BRINP3: variants seen among roughly 807,000 people sequenced by gnomAD.
BRINP3 encodes BMP/retinoic acid inducible neural specific 3, also known as BMP/retinoic acid-inducible neural-specific protein 3.
Under a neutral mutation model 71.0 loss-of-function variants are expected in BRINP3, and 19 were observed. The observed-to-expected ratio is 0.27, with a 90% CI of 0.19 to 0.39. The LOEUF is 0.39. Among genes scored for constraint, BRINP3 ranks in the 10% least tolerant of loss-of-function variants. The pLI is 1.00. For synonymous variants in BRINP3, 380 were observed against 337.7 expected, an observed-to-expected ratio of 1.13 and a Z score of -1.37; for missense variants, 959 against 940.8, an observed-to-expected ratio of 1.02 and a Z score of -0.25.
At chr1:190,467,612 G>C (rs546133833) in intron 1 of BRINP3, among the ~76,000 whole-genome samples, 1 of 151,502 alleles carries the variant, frequency 6.6e-6, no homozygotes, top group East Asian at 1.9e-4. Flanking sequence ...GTCTCCAAAA[G>C]TTACATGGTG....
intron 2 of BRINP3, among the ~76,000 whole-genome samples, chr1:190,412,414 T>TATATATATAC (rs1553314831): frequency 1.9e-3 from 274 of 141,258 alleles, no homozygotes; most frequent in Non-Finnish European, 2.2e-3. Flanking sequence ...TATATATATA[T>TATATATATAC]ACACTTTTTT....
chr1:190,169,523 T>G (rs541995477), intron 6 of BRINP3, among the ~76,000 whole-genome samples: 2 of 152,274 alleles, frequency 1.3e-5, no homozygotes, highest in East Asian at 1.9e-4. Flanking sequence ...AATAAATTCC[T>G]TTCTGCTGCA....
At chr1:190,148,336 C>T (rs866080782) in intron 7 of BRINP3, among the ~76,000 whole-genome samples, 1 of 151,774 alleles carries the variant, frequency 6.6e-6, no homozygotes, top group African/African-American at 2.4e-5. Flanking sequence ...GTGGCTCACG[C>T]GTCATCCCAA....
In BRINP3 at chr1:190,475,510, T is replaced by G. The variant is rs1677437408; in HGVS notation, c.-51+1938A>C. On this transcript the variant is annotated intron_variant, in intron 1 of 7. Coordinates refer to ENST00000367462, the MANE Select transcript of BRINP3 (RefSeq NM_199051.3). The stretch of plus-strand genomic sequence containing the variant: ...TGAGTGCAGAGCCTGAGCTAGCAGG[T>G]CAGAGTAGGGGACACCTTTCCTACA... Among the ~76,000 whole-genome samples, 3 of 152,048 alleles carry G rather than the reference T, an allele frequency of 2.0e-5. No homozygotes were observed. The South Asian group carries it at 6.2e-4, about 31-fold the overall frequency.
intron 2 of BRINP3, among the ~76,000 whole-genome samples, chr1:190,390,540 G>A (rs1238729163): frequency 6.6e-6 from 1 of 151,730 alleles, no homozygotes; most frequent in African/African-American, 2.4e-5. Flanking sequence ...TGGCAGTGAA[G>A]GGCAGCTAAA....
At chr1:190,307,258 GTTTTTTTTTTTTTTT>G (rs71123082) in intron 2 of BRINP3, among the ~76,000 whole-genome samples, 5 of 52,598 alleles carry the variant, frequency 9.5e-5, no homozygotes, top group Non-Finnish European at 1.3e-4. Context: ...TTAAAACATT[GTTTTTTTTTTTTTTT>G]TTTTTTTTTT....
intron 2 of BRINP3, among the ~76,000 whole-genome samples, chr1:190,353,721 C>A (rs1571838557): frequency 6.6e-6 from 1 of 152,032 alleles, no homozygotes; most frequent in African/African-American, 2.4e-5. Context: ...CCAGAAACCT[C>A]AACTTATTGT....
At chr1:190,449,636 G>T (rs1675471914) in intron 2 of BRINP3, among the ~76,000 whole-genome samples, 1 of 151,936 alleles carries the variant, frequency 6.6e-6, no homozygotes, top group South Asian at 2.1e-4. Context: ...AATAGAGAGG[G>T]CTCTATCAAT....
At chr1:190,327,487 G>GAAAAAAAAAAAAAA (rs59406863) in intron 2 of BRINP3, among the ~76,000 whole-genome samples, 1 of 126,824 alleles carries the variant, frequency 7.9e-6, no homozygotes, top group Non-Finnish European at 1.7e-5. Flanking sequence ...CAAACAAAAA[G>GAAAAAAAAAAAAAA]AAAAAAAAAA....
intron 1 of BRINP3, among the ~76,000 whole-genome samples, chr1:190,456,782 T>G (rs1447047526): frequency 1.3e-5 from 2 of 152,016 alleles, no homozygotes; most frequent in Non-Finnish European, 2.9e-5. Flanking sequence ...AATATATAAT[T>G]TCTTAATTTA....
chr1:190,342,930 G>A (rs138440872), intron 2 of BRINP3, among the ~76,000 whole-genome samples: 530 of 151,880 alleles, frequency 3.5e-3, no homozygotes, highest in African/African-American at 0.012. Flanking sequence ...GACAGAAAAC[G>A]GTGTTAAGAT....
At chr1:190,163,705 A>G (rs1179025824) in intron 6 of BRINP3, among the ~76,000 whole-genome samples, 1 of 152,092 alleles carries the variant, frequency 6.6e-6, no homozygotes, top group Non-Finnish European at 1.5e-5. Flanking sequence ...ATGAATAATG[A>G]GGCATGATGT....
chr1:190,200,348 T>A (rs1654891965), intron 6 of BRINP3, among the ~76,000 whole-genome samples: 1 of 152,140 alleles, frequency 6.6e-6, no homozygotes, highest in Non-Finnish European at 1.5e-5. Flanking sequence ...AGACTTCAGA[T>A]GAATTTAGAA....
chr1:190,470,943 G>A (rs1003631228), intron 1 of BRINP3, among the ~76,000 whole-genome samples: 3 of 151,134 alleles, frequency 2.0e-5, no homozygotes, highest in African/African-American at 7.2e-5. Flanking sequence ...ATTGGGAAAT[G>A]CTCCAGAACT....
In BRINP3 at chr1:190,306,227, C is replaced by T. The variant is rs559076668; in HGVS notation, c.237-24477G>A. Among the ~76,000 whole-genome samples, 274 of 142,582 alleles carry T rather than the reference C, an allele frequency of 1.9e-3. 3 individuals are homozygous for T. Among genetic ancestry groups the T allele is most frequent in the African/African-American group, 6.5e-3 (255 of 39,116 alleles). 93.5% of individuals were successfully genotyped at this position (142,582 alleles called of 152,430 possible). Reference sequence around the variant, plus strand: ...AAACATTTCATAAATTAGTGCTGTCCAAAAAAAAAAATTGTGAACCAAAAA... The same window carrying T: ...AAACATTTCATAAATTAGTGCTGTCTAAAAAAAAAAATTGTGAACCAAAAA... On this transcript the variant is annotated intron_variant, in intron 2 of 7. Coordinates refer to ENST00000367462, the MANE Select transcript of BRINP3 (RefSeq NM_199051.3).
intron 2 of BRINP3, among the ~76,000 whole-genome samples, chr1:190,316,337 C>T (rs531949456): frequency 6.6e-6 from 1 of 152,162 alleles, no homozygotes; most frequent in South Asian, 2.1e-4. Flanking sequence ...AATTATGTTA[C>T]TTGTCCAAGG....
At chr1:190,228,776 T>A (rs1657652407) in intron 5 of BRINP3, among the ~76,000 whole-genome samples, 2 of 116,296 alleles carry the variant, frequency 1.7e-5, no homozygotes, top group African/African-American at 6.5e-5. Flanking sequence ...GGTTCAGGGC[T>A]GGCCACGGAA....
chr1:190,407,775 C>T (rs1672379156), intron 2 of BRINP3, among the ~76,000 whole-genome samples: 1 of 152,008 alleles, frequency 6.6e-6, no homozygotes. Flanking sequence ...AAACCTGTAA[C>T]AAATTTATCT....
intron 2 of BRINP3, among the ~76,000 whole-genome samples, chr1:190,305,833 T>G (rs1238407146): frequency 6.6e-6 from 1 of 151,846 alleles, no homozygotes; most frequent in African/African-American, 2.4e-5. Flanking sequence ...TTTAAGATAA[T>G]GGATATGCTA....
Sources: allele counts gnomAD v4.1 joint callset (sites outside exome capture counted in the v4.1 genomes callset), GRCh38; gene constraint gnomAD v4.1.1; transcripts MANE v1.5; gene names NCBI Gene and HGNC (gene_info 2026-07-23, HGNC 2026-07-21).